Variants in PCMTD2 observed in about 807,000 individuals in gnomAD.
PCMTD2 encodes the protein protein-L-isoaspartate (D-aspartate) O-methyltransferase domain containing 2, also known as protein-L-isoaspartate O-methyltransferase domain-containing protein 2.
PCMTD2 carries 16 observed loss-of-function variants against 33.4 expected under a neutral mutation model. The observed-to-expected ratio is 0.48, with a 90% CI of 0.32 to 0.73. PCMTD2 has a LOEUF of 0.73. Ranked by LOEUF, PCMTD2 falls within the 30% of genes least tolerant of loss-of-function variation. The probability of loss-of-function intolerance (pLI) is 0.03; values close to 1 mark genes in which losing one functional copy is unlikely to be tolerated. For missense variants in PCMTD2, 374 were observed against 449.9 expected (o/e 0.83, Z 1.53); for synonymous variants, 161 against 160.8 (o/e 1.00, Z -0.01).
rs138701734 is a variant in PCMTD2 at position 64,269,005 on chromosome 20, A to G, written c.706+995A>G. ...CCTAAAGAGAGAAGAAAGGGGAGAA[A>G]AGTACCAGCAGTGGCAGGACATAAA... On this transcript the variant is annotated intron_variant, in intron 5 of 5. Transcript: ENST00000308824. 9.7e-4 allele frequency among the ~76,000 whole-genome samples: 148 copies of G among 152,278 alleles called. 3 individuals are homozygous for G. In the East Asian group the frequency reaches 0.027, roughly 28 times the overall value.
chr20:64,259,780 A>T, intron 1 of PCMTD2, 162 bp from the exon 2 acceptor site: 2 of 549,138 alleles, frequency 3.6e-6, no homozygotes, highest in Non-Finnish European at 6.4e-6. Flanking sequence ...TTCCTTCTAA[A>T]TCTGGCATCT....
intron 5 of PCMTD2, 49 bp from the exon 6 acceptor site, chr20:64,273,172 T>C (rs1357425066): frequency 6.5e-7 from 1 of 1,529,918 alleles, no homozygotes; most frequent in Non-Finnish European, 8.9e-7. Flanking sequence ...GGCGTTGTGG[T>C]GGTGTCACTC....
Position 64,275,851 on chromosome 20 carries a change from A to G in PCMTD2, c.*2251A>G, listed in dbSNP as rs2145773196. 1 of 152,362 alleles carries G rather than the reference A, an allele frequency of 6.6e-6. No homozygotes were observed. Among genetic ancestry groups the G allele is most frequent in the South Asian group, 2.1e-4 (1 of 4,828 alleles). The allele number at this position is 152,362 out of a possible 1,614,324, so 9.4% of individuals were successfully genotyped here. ...AAGTAGTAAAGCCATAGACTTGTGCAAAACAAGTTTCAAGTTTATAGATAT... is the reference window on the plus strand; with the variant it reads ...AAGTAGTAAAGCCATAGACTTGTGCGAAACAAGTTTCAAGTTTATAGATAT... On this transcript the variant is annotated 3_prime_UTR_variant, in exon 6 of 6. Coordinates refer to ENST00000308824, the MANE Select transcript of PCMTD2 (RefSeq NM_018257.3).
intron 5 of PCMTD2, among the ~76,000 whole-genome samples, chr20:64,268,229 A>G (rs1211941700): frequency 6.6e-6 from 1 of 152,248 alleles, no homozygotes; most frequent in Non-Finnish European, 1.5e-5. Flanking sequence ...ATCTACAAAG[A>G]GCTGTTGCCG....
rs1986009382 is a variant in PCMTD2, at chr20:64,273,745, A to T, written c.*145A>T. 1.1e-5 allele frequency: 6 copies of T among 531,918 alleles called. No individual in the cohort carries two copies. Among genetic ancestry groups the T allele is most frequent in the Admixed American group, 7.2e-5 (2 of 27,856 alleles). The allele number at this position is 531,918 out of a possible 1,614,324, so 32.9% of individuals were successfully genotyped here. On this transcript the variant is annotated 3_prime_UTR_variant, in exon 6 of 6. Coordinates refer to ENST00000308824, the MANE Select transcript of PCMTD2 (RefSeq NM_018257.3). ...CTCATCCACACCATGGTTTTCTTCTAGTTCCTGATTGACCTCTAAAATTCT... is the reference window on the plus strand; with the variant it reads ...CTCATCCACACCATGGTTTTCTTCTTGTTCCTGATTGACCTCTAAAATTCT...
rs1296635816 is a variant in PCMTD2, at chr20:64,267,967, G to T, written c.663G>T (p.Gln221His). The T allele has an allele frequency of 6.2e-7, 1 of 1,612,868 alleles. No homozygotes were observed. Among genetic ancestry groups the T allele is most frequent in the Admixed American group, 1.7e-5 (1 of 59,992 alleles). ...CTGTTTCTTTTGCTCCTCTGATCCA[G>T]CCCTGCCATTCAGAGTCAGGAAAAT... ...ILAVSFAPLI[Q>H]PCHSESGKSR... The change falls in exon 5 of 6, where the codon CAG becomes CAT. Residue 221 changes from glutamine to histidine, a missense_variant. Physicochemically the swap from Gln to His is conservative, Grantham distance 24. Transcript: ENST00000308824.
chr20:64,264,712 CTG>C (rs1234671840), intron 3 of PCMTD2, among the ~76,000 whole-genome samples, 181 bp downstream of exon 3: 1 of 152,216 alleles, frequency 6.6e-6, no homozygotes, highest in East Asian at 1.9e-4. Context: ...GTATTTCAAA[CTG>C]TTACACATAC....
chr20:64,259,724 T>G lies in PCMTD2; in HGVS notation c.-24-218T>G, dbSNP rs1985321083. ...ATTTCAAATAAACGTCAAATAACTT[T>G]TAGTATTGTTGTTTACCTTAATTTC... is the stretch of plus-strand genomic sequence containing the variant. On this transcript the variant is annotated intron_variant, in intron 1 of 5. Coordinates refer to ENST00000308824, the MANE Select transcript of PCMTD2 (RefSeq NM_018257.3). The G allele has an allele frequency of 5.6e-6, 3 of 537,576 alleles. No homozygotes were observed. In the East Asian group the frequency reaches 9.2e-5, roughly 17 times the overall value. 33.3% of individuals were successfully genotyped at this position (537,576 alleles called of 1,614,324 possible). A position where few individuals can be genotyped will look rare whatever the true frequency, so the allele number is the denominator to read the frequency against.
At chr20:64,262,854 C>T (rs1313521394) in intron 2 of PCMTD2, 1 of 152,340 alleles carries the variant, frequency 6.6e-6, no homozygotes, top group Non-Finnish European at 1.5e-5. Flanking sequence ...GCAGGGCAGA[C>T]CTAGGAGCGG....
At chr20:64,272,196 G>A (rs1201212341) in intron 5 of PCMTD2, 1 of 361,012 alleles carries the variant, frequency 2.8e-6, no homozygotes, top group South Asian at 2.1e-5. Context: ...GAACAGTGGA[G>A]ATGCTGAGAT....
Position 64,260,087 on chromosome 20 carries a change from A to G in PCMTD2, c.122A>G (p.Tyr41Cys), listed in dbSNP as rs1023312755. 1 of 1,613,134 alleles carries G rather than the reference A, an allele frequency of 6.2e-7. No individual in the cohort carries two copies. Among genetic ancestry groups the G allele is most frequent in the Non-Finnish European group, 8.5e-7 (1 of 1,179,076 alleles). ...QAFRAIDRAD[Y>C]YLEEFKENAY... is the part of the protein sequence containing the mutation. Reference sequence around the variant, plus strand: ...TTCAGAGCTATCGATCGTGCAGACTATTATCTTGAAGAATTTAAAGAAAAT... The same window carrying G: ...TTCAGAGCTATCGATCGTGCAGACTGTTATCTTGAAGAATTTAAAGAAAAT... The change falls in exon 2 of 6, where the codon TAT becomes TGT. Residue 41 changes from tyrosine (Y) to cysteine (C), a missense_variant. Physicochemically the swap from Tyr to Cys is radical, Grantham distance 194. Transcript: ENST00000308824.
Position 64,273,707 on chromosome 20 carries a change from G to C in PCMTD2, c.*107G>C, listed in dbSNP as rs1168226596. ...ACCTGGAGGCAGACGTTGTGGGGAA[G>C]GGAACTGCTGGGCTCATCCACACCA... On this transcript the variant is annotated 3_prime_UTR_variant, in exon 6 of 6. Transcript: ENST00000308824. 2.3e-6 allele frequency: 2 copies of C among 882,014 alleles called. No homozygotes were observed. Among genetic ancestry groups the C allele is most frequent in the African/African-American group, 3.4e-5 (2 of 59,144 alleles). 54.6% of individuals were successfully genotyped at this position (882,014 alleles called of 1,614,324 possible). A position where few individuals can be genotyped will look rare whatever the true frequency, so the allele number is the denominator to read the frequency against.
chr20:64,262,269 AAGT>A (rs1985454723), intron 2 of PCMTD2, among the ~76,000 whole-genome samples: 2 of 147,950 alleles, frequency 1.4e-5, no homozygotes, highest in African/African-American at 5.3e-5. Flanking sequence ...GAAAAAAAAA[AAGT>A]AAGCCTGAAA....
rs1359698336 is a variant in PCMTD2 at position 64,274,274 on chromosome 20, G to C, written c.*674G>C. 1.3e-5 allele frequency: 2 copies of C among 149,844 alleles called. No individual in the cohort carries two copies. The highest frequency in any genetic ancestry group is 4.9e-5 in the African/African-American group (2 of 40,546). The allele number at this position is 149,844 out of a possible 1,614,324, so 9.3% of individuals were successfully genotyped here. A position where few individuals can be genotyped will look rare whatever the true frequency, so the allele number is the denominator to read the frequency against. ...AATGAATTGCCAGATAATCTTTCTGGAATTCCGAGAGAATTCCAAAGAGGG... is the reference window on the plus strand; with the variant it reads ...AATGAATTGCCAGATAATCTTTCTGCAATTCCGAGAGAATTCCAAAGAGGG... On this transcript the variant is annotated 3_prime_UTR_variant, in exon 6 of 6. Transcript: ENST00000308824.
intron 5 of PCMTD2, among the ~76,000 whole-genome samples, chr20:64,269,835 G>GGGGTCAT (rs1985816119): frequency 7.6e-6 from 1 of 131,238 alleles, no homozygotes; most frequent in Non-Finnish European, 1.6e-5. Flanking sequence ...CGCGTGGTGT[G>GGGGTCAT]GGGTCATGGG....
chr20:64,257,604 C>T (rs1021207240), intron 1 of PCMTD2, among the ~76,000 whole-genome samples: 2 of 152,022 alleles, frequency 1.3e-5, no homozygotes, highest in African/African-American at 4.8e-5. Flanking sequence ...GTTTTCAGTG[C>T]GAGGGAGTGT....
chr20:64,262,332 C>A (rs1248514147), intron 2 of PCMTD2, among the ~76,000 whole-genome samples: 1 of 152,034 alleles, frequency 6.6e-6, no homozygotes, highest in Non-Finnish European at 1.5e-5. Flanking sequence ...AAAGGCCTTC[C>A]AACTTGATAC....
intron 4 of PCMTD2, among the ~76,000 whole-genome samples, chr20:64,266,620 C>T (rs906868953): frequency 6.6e-6 from 1 of 152,192 alleles, no homozygotes; most frequent in Non-Finnish European, 1.5e-5. Context: ...AACTCCTGGC[C>T]TCAAGCAATT....
Position 64,268,263 on chromosome 20 carries a change from C to T in PCMTD2, c.706+253C>T, listed in dbSNP as rs115267432. Among the ~76,000 whole-genome samples, 449 of 151,824 alleles carry T rather than the reference C, an allele frequency of 3.0e-3. 1 individual carries two copies. Among genetic ancestry groups the T allele is most frequent in the African/African-American group, 0.01 (422 of 41,414 alleles). On this transcript the variant is annotated intron_variant, in intron 5 of 5. Transcript: ENST00000308824. ...CGGTCACACCATTGAAAGCCGAGGA[C>T]GCACATAAAAGGGAGCTCATTTTGC...
Sources: allele counts gnomAD v4.1 joint callset (sites outside exome capture counted in the v4.1 genomes callset), GRCh38; gene constraint gnomAD v4.1.1; transcripts MANE v1.5; gene names NCBI Gene and HGNC (gene_info 2026-07-23, HGNC 2026-07-21).